CRIM1: variants seen among roughly 807,000 people sequenced by gnomAD.
CRIM1 encodes the protein cysteine rich transmembrane BMP regulator 1, also known as cysteine-rich motor neuron 1 protein.
CRIM1 carries 32 observed loss-of-function variants against 116.4 expected under a neutral mutation model. The observed-to-expected ratio is 0.27, with a 90% CI of 0.21 to 0.37. CRIM1 has a LOEUF of 0.37. CRIM1 is among the 10% of genes least tolerant of loss of function. The pLI is 1.00. For missense variants in CRIM1, 1,331 were observed against 1,354.8 expected (o/e 0.98, Z 0.28); for synonymous variants, 590 against 509.2 (o/e 1.16, Z -2.13).
chr2:36,472,079 A>G (rs2125027491), intron 5 of CRIM1, among the ~76,000 whole-genome samples: 1 of 152,350 alleles, frequency 6.6e-6, no homozygotes, highest in Non-Finnish European at 1.5e-5. Context: ...CCCAGAACTT[A>G]GAAACTTAAA....
intron 8 of CRIM1, among the ~76,000 whole-genome samples, chr2:36,500,237 G>C (rs890097468): frequency 6.6e-6 from 1 of 152,116 alleles, no homozygotes; most frequent in African/African-American, 2.4e-5. Flanking sequence ...AGGCTGAGGT[G>C]GGAGGATCGC....
intron 14 of CRIM1, among the ~76,000 whole-genome samples, chr2:36,541,171 CAA>C (rs1666917589): frequency 6.6e-6 from 1 of 152,072 alleles, no homozygotes; most frequent in African/African-American, 2.4e-5. Context: ...GACTCACCAC[CAA>C]AGTTTCACGC....
chr2:36,534,340 GGGA>G (rs1359203123), intron 13 of CRIM1, among the ~76,000 whole-genome samples: 3 of 135,100 alleles, frequency 2.2e-5, no homozygotes, highest in Non-Finnish European at 4.8e-5. Context: ...AAAGGAGGGA[GGGA>G]GGAGGAGGGA....
At position 36,499,317 on chromosome 2, in the gene CRIM1, A is replaced by G; in HGVS notation, c.1471A>G (p.Asn491Asp). The change falls in exon 8 of 17, where the codon AAT becomes GAT. Residue 491 changes from asparagine to aspartate, a missense_variant. Asn to Asp is a conservative substitution (Grantham distance 23). Coordinates refer to ENST00000280527, the MANE Select transcript of CRIM1 (RefSeq NM_016441.3). ...CATTAATGGTTTCAAACGCGATCAC[A>G]ATGGTTGTCGGACCTGTCAGTGCAT... ...DCINGFKRDH[N>D]GCRTCQCINT... 1 of 1,614,168 alleles carries G rather than the reference A, an allele frequency of 6.2e-7. No homozygotes were observed. Among genetic ancestry groups the G allele is most frequent in the South Asian group, 1.1e-5 (1 of 91,084 alleles).
chr2:36,445,801 A>C (rs1676198868), intron 4 of CRIM1, among the ~76,000 whole-genome samples: 1 of 152,204 alleles, frequency 6.6e-6, no homozygotes, highest in African/African-American at 2.4e-5. Flanking sequence ...AAAAAGCCTA[A>C]CATGTAATAA....
intron 1 of CRIM1, among the ~76,000 whole-genome samples, chr2:36,395,266 C>T (rs1167245879): frequency 6.6e-6 from 1 of 152,046 alleles, no homozygotes; most frequent in East Asian, 1.9e-4. Flanking sequence ...CCTCCCAAAA[C>T]GCTGGGATTA....
intron 2 of CRIM1, among the ~76,000 whole-genome samples, chr2:36,428,235 A>C (rs1674609059): frequency 1.3e-5 from 2 of 152,218 alleles, no homozygotes; most frequent in South Asian, 4.1e-4. Flanking sequence ...CTGCCTTGAC[A>C]TTCATAGGTA....
chr2:36,473,516 C>T (rs207461654), intron 5 of CRIM1, among the ~76,000 whole-genome samples: 1 of 152,212 alleles, frequency 6.6e-6, no homozygotes, highest in Non-Finnish European at 1.5e-5. Context: ...CAGTCACTGC[C>T]CATTTTCCCC....
At position 36,411,662 on chromosome 2, in the gene CRIM1, TTG is replaced by T. The variant is rs58015078; in HGVS notation, c.505+14897_505+14898del. On this transcript the variant is annotated intron_variant, in intron 2 of 16. Coordinates refer to ENST00000280527, the MANE Select transcript of CRIM1 (RefSeq NM_016441.3). ...CATGTGATTATTTTTATCTTATTCT[TTG>T]TGTGTGTGTGTGTGTGTGTGTACAG... 1.8e-3 allele frequency among the ~76,000 whole-genome samples: 265 copies of T among 150,142 alleles called. 2 individuals are homozygous for T. Among genetic ancestry groups the T allele is most frequent in the African/African-American group, 4.8e-3 (195 of 40,904 alleles).
intron 13 of CRIM1, among the ~76,000 whole-genome samples, chr2:36,525,104 GA>G (rs1665667819): frequency 6.6e-6 from 1 of 152,158 alleles, no homozygotes; most frequent in African/African-American, 2.4e-5. Context: ...ATGTTGGGAA[GA>G]CTTAACATTT....
intron 1 of CRIM1, among the ~76,000 whole-genome samples, chr2:36,395,428 A>G (rs779547753): frequency 8.5e-5 from 13 of 152,384 alleles, no homozygotes; most frequent in South Asian, 2.1e-4. Context: ...TTTACTATGT[A>G]ACAGTCAGTT....
intron 1 of CRIM1, among the ~76,000 whole-genome samples, chr2:36,375,132 GTATGCTTTGCATATGCCA>G (rs1558511400): frequency 1.3e-5 from 2 of 151,750 alleles, no homozygotes; most frequent in African/African-American, 4.8e-5. Context: ...TGCATATGCC[GTATGCTTTGCATATGCCA>G]TATGCTGTTG....
At chr2:36,470,488 T>G (rs1678412692) in intron 5 of CRIM1, among the ~76,000 whole-genome samples, 1 of 152,178 alleles carries the variant, frequency 6.6e-6, no homozygotes, top group South Asian at 2.1e-4. Flanking sequence ...CTGATAACTT[T>G]AAGCTAAACC....
At chr2:36,415,986 T>C (rs1673589934) in intron 2 of CRIM1, among the ~76,000 whole-genome samples, 1 of 152,186 alleles carries the variant, frequency 6.6e-6, no homozygotes, top group Non-Finnish European at 1.5e-5. Flanking sequence ...GGCACGCGGA[T>C]CACTTAAGGT....
chr2:36,528,608 G>GATGTAT (rs1665913850), intron 13 of CRIM1, among the ~76,000 whole-genome samples: 1 of 152,234 alleles, frequency 6.6e-6, no homozygotes, highest in Non-Finnish European at 1.5e-5. Flanking sequence ...CTCATAGGGA[G>GATGTAT]ATGTATACCT....
rs140092469 is a variant in CRIM1, at chr2:36,437,362, G to A, written c.506-3896G>A. The stretch of plus-strand genomic sequence containing the variant: ...TGTACTCCAGCCTGGGTGACAGAGC[G>A]AGACTCCATCTCAAAAAAAAAAAGA... On this transcript the variant is annotated intron_variant, in intron 2 of 16. Coordinates refer to ENST00000280527, the MANE Select transcript of CRIM1 (RefSeq NM_016441.3). Among the ~76,000 whole-genome samples the A allele has an allele frequency of 3.9e-3, 592 of 150,878 alleles. 4 individuals carry two copies. Among genetic ancestry groups the A allele is most frequent in the African/African-American group, 0.014 (563 of 41,018 alleles).
chr2:36,359,604 G>GA (rs1034789034), intron 1 of CRIM1, among the ~76,000 whole-genome samples: 6 of 151,910 alleles, frequency 3.9e-5, no homozygotes, highest in East Asian at 1.9e-4. Context: ...AATGCTGAAG[G>GA]AAAAAAAATA....
At chr2:36,499,063 G>C (rs1680801996) in intron 7 of CRIM1, among the ~76,000 whole-genome samples, 156 bp from the exon 8 acceptor site, 1 of 152,176 alleles carries the variant, frequency 6.6e-6, no homozygotes, top group South Asian at 2.1e-4. Flanking sequence ...TCTGTTTCAG[G>C]GGTTAAAGAT....
rs149652831 is a variant in CRIM1 at position 36,453,901 on chromosome 2, T to C, written c.870-10633T>C. Among the ~76,000 whole-genome samples the C allele has an allele frequency of 1.6e-3, 247 of 152,304 alleles. 1 individual carries two copies. Among genetic ancestry groups the C allele is most frequent in the African/African-American group, 5.6e-3 (231 of 41,572 alleles). Reference sequence around the variant, plus strand: ...GAGAGAAGGGCATTCTAGGCTGTTGTTGATTTTTCGACTTGTAATGTGTCT... The same window carrying C: ...GAGAGAAGGGCATTCTAGGCTGTTGCTGATTTTTCGACTTGTAATGTGTCT... On this transcript the variant is annotated intron_variant, in intron 4 of 16. Coordinates refer to ENST00000280527, the MANE Select transcript of CRIM1 (RefSeq NM_016441.3).
Sources: gnomAD v4.1 joint callset for allele counts (sites outside exome capture counted in the v4.1 genomes callset) on GRCh38, gnomAD v4.1.1 for gene constraint, MANE v1.5 for transcripts, NCBI Gene and HGNC (gene_info 2026-07-23, HGNC 2026-07-21) for gene names.